PRKG1: variants seen among roughly 807,000 people sequenced by gnomAD.
The protein encoded by PRKG1 is cGMP-dependent protein kinase 1.
In PRKG1, 35 loss-of-function variants were observed where a neutral mutation model predicts 88.1. The observed-to-expected ratio is 0.40, with a 90% CI of 0.30 to 0.53. The LOEUF (loss-of-function observed/expected upper bound fraction) is 0.53, where lower values mean the gene tolerates loss of function less well. Among genes scored for constraint, PRKG1 ranks in the 20% least tolerant of loss-of-function variants. PRKG1 has a pLI of 0.59. For missense variants in PRKG1, 540 were observed against 839.8 expected (o/e 0.64, Z 4.41); for synonymous variants, 303 against 292.5 (o/e 1.04, Z -0.37).
At chr10:51,639,257 A>C (rs1839733302) in intron 3 of PRKG1, among the ~76,000 whole-genome samples, 1 of 151,762 alleles carries the variant, frequency 6.6e-6, no homozygotes, top group Non-Finnish European at 1.5e-5. Flanking sequence ...ACACGGTGAA[A>C]CCTTGTCTCT....
chr10:51,988,404 A>C (rs1993859), intron 5 of PRKG1, among the ~76,000 whole-genome samples: 134,387 of 151,980 alleles, frequency 0.88, 59,562 homozygotes, highest in East Asian at 1. Flanking sequence ...TATATGATTA[A>C]GTGTTGGGTT....
chr10:51,512,359 C>A lies in PRKG1; in HGVS notation c.592+44523C>A, dbSNP rs1349900967. On this transcript the variant is annotated intron_variant, in intron 3 of 17. Transcript: ENST00000373980. ...TCCCTCCCCCCTCCCCCCACCCCAC[C>A]ACAGTCTCCAGAGTGTGATATTCCC... 9.8e-3 allele frequency among the ~76,000 whole-genome samples: 1,169 copies of A among 119,458 alleles called. 17 individuals are homozygous for A. The highest frequency in any genetic ancestry group is 0.036 in the African/African-American group (1,098 of 30,916). The allele number at this position is 119,458 out of a possible 152,430, so 78.4% of individuals were successfully genotyped here. A position where few individuals can be genotyped will look rare whatever the true frequency, so the allele number is the denominator to read the frequency against.
intron 5 of PRKG1, among the ~76,000 whole-genome samples, chr10:51,956,712 CCT>C (rs10664486): frequency 6.6e-6 from 1 of 151,470 alleles, no homozygotes; most frequent in East Asian, 2.0e-4. Context: ...ATATAAAACT[CCT>C]CTCTCTCTTT....
intron 3 of PRKG1, among the ~76,000 whole-genome samples, chr10:51,672,496 T>C (rs1840607710): frequency 6.6e-6 from 1 of 152,176 alleles, no homozygotes; most frequent in Non-Finnish European, 1.5e-5. Context: ...TTTCTTTATG[T>C]TTTGCCTTTC....
At chr10:51,157,975 A>G (rs1163382740) in intron 2 of PRKG1, among the ~76,000 whole-genome samples, 5 of 151,940 alleles carry the variant, frequency 3.3e-5, no homozygotes, top group Admixed American at 3.3e-4. Context: ...GGTAATTGGC[A>G]TATCCATCAT....
intron 2 of PRKG1, among the ~76,000 whole-genome samples, chr10:51,428,678 C>T (rs1425738996): frequency 1.3e-5 from 2 of 152,128 alleles, no homozygotes; most frequent in South Asian, 4.1e-4. Context: ...GTAAGTCTAC[C>T]AGGAAAGGGC....
chr10:51,737,759 A>G (rs1482869942), intron 3 of PRKG1, among the ~76,000 whole-genome samples: 1 of 89,090 alleles, frequency 1.1e-5, no homozygotes, highest in African/African-American at 3.8e-5. Context: ...TATTATTATT[A>G]TTATTATTAT....
At chr10:51,542,351 A>G (rs1363899380) in intron 3 of PRKG1, among the ~76,000 whole-genome samples, 1 of 152,104 alleles carries the variant, frequency 6.6e-6, no homozygotes, top group Non-Finnish European at 1.5e-5. Flanking sequence ...GCATCCACCA[A>G]TTTTATCCCA....
chr10:51,777,200 A>G (rs1169059908), intron 3 of PRKG1, among the ~76,000 whole-genome samples: 5 of 152,122 alleles, frequency 3.3e-5, no homozygotes, highest in Non-Finnish European at 5.9e-5. Flanking sequence ...GACAGACACT[A>G]TTAGGTGATT....
chr10:51,811,352 G>A (rs548208936), intron 4 of PRKG1, among the ~76,000 whole-genome samples: 60 of 151,956 alleles, frequency 3.9e-4, no homozygotes, highest in African/African-American at 1.4e-3. Flanking sequence ...GCCCTTACAA[G>A]CTTTTCCTTC....
intron 3 of PRKG1, among the ~76,000 whole-genome samples, chr10:51,670,608 C>A (rs980115801): frequency 2.0e-5 from 3 of 148,212 alleles, no homozygotes; most frequent in African/African-American, 4.9e-5. Context: ...TAGTGGCGGG[C>A]GCCTGTAGTC....
chr10:51,256,394 A>G (rs1181575764), intron 2 of PRKG1, among the ~76,000 whole-genome samples: 2 of 152,166 alleles, frequency 1.3e-5, no homozygotes, highest in Non-Finnish European at 2.9e-5. Context: ...GTGTGTTCCA[A>G]GATGAATGTA....
intron 3 of PRKG1, among the ~76,000 whole-genome samples, chr10:51,491,244 T>C (rs1050583192): frequency 1.3e-5 from 2 of 152,094 alleles, no homozygotes; most frequent in African/African-American, 4.8e-5. Flanking sequence ...AATTAGGAAG[T>C]ATATAAATGT....
chr10:51,514,399 G>A (rs1360658225), intron 3 of PRKG1, among the ~76,000 whole-genome samples: 1 of 151,994 alleles, frequency 6.6e-6, no homozygotes, highest in Non-Finnish European at 1.5e-5. Context: ...CTTTTAAAAA[G>A]TCCTTATTAA....
intron 8 of PRKG1, among the ~76,000 whole-genome samples, chr10:52,134,845 T>C (rs752225736): frequency 6.6e-6 from 1 of 152,140 alleles, no homozygotes; most frequent in Non-Finnish European, 1.5e-5. Flanking sequence ...GGCCCTTCTA[T>C]GCTGGATCAC....
chr10:51,914,703 C>G lies in PRKG1; in HGVS notation c.762+7133C>G, dbSNP rs114300596. 9.5e-3 allele frequency among the ~76,000 whole-genome samples: 1,442 copies of G among 152,230 alleles called. 20 individuals carry two copies. Among genetic ancestry groups the G allele is most frequent in the African/African-American group, 0.032 (1,347 of 41,540 alleles). On this transcript the variant is annotated intron_variant, in intron 5 of 17. Coordinates refer to ENST00000373980, the MANE Select transcript of PRKG1 (RefSeq NM_006258.4). Reference sequence around the variant, plus strand: ...CACTAACTTTTTAAGAACTCTCTACCTTTGATTTGCAATTTTGCATGATTG... The same window carrying G: ...CACTAACTTTTTAAGAACTCTCTACGTTTGATTTGCAATTTTGCATGATTG...
intron 3 of PRKG1, among the ~76,000 whole-genome samples, chr10:51,551,026 C>T (rs1262248003): frequency 6.6e-6 from 1 of 151,822 alleles, no homozygotes; most frequent in Non-Finnish European, 1.5e-5. Flanking sequence ...AAAAATAGTA[C>T]CATGATATAC....
intron 1 of PRKG1, among the ~76,000 whole-genome samples, chr10:51,012,371 A>G (rs1348385502): frequency 2.6e-5 from 4 of 152,210 alleles, no homozygotes; most frequent in Non-Finnish European, 4.4e-5. Context: ...GTTGGAGATA[A>G]TTCTAACAGT....
chr10:52,013,211 G>A (rs1197461024), intron 5 of PRKG1, among the ~76,000 whole-genome samples: 2 of 152,168 alleles, frequency 1.3e-5, no homozygotes, highest in African/African-American at 2.4e-5. Flanking sequence ...GAGGTCAGGA[G>A]ATCGTGTCCA....
Sources: gnomAD v4.1 joint callset for allele counts (sites outside exome capture counted in the v4.1 genomes callset) on GRCh38, gnomAD v4.1.1 for gene constraint, MANE v1.5 for transcripts, NCBI Gene and HGNC (gene_info 2026-07-23, HGNC 2026-07-21) for gene names.